Variants in RGPD3 observed in about 807,000 individuals in gnomAD.
RGPD3 encodes the protein RANBP2 like and GRIP domain containing 3.
Under a neutral mutation model 154.5 loss-of-function variants are expected in RGPD3, and 62 were observed. The observed-to-expected ratio is 0.40, with a 90% CI of 0.33 to 0.50. The LOEUF (loss-of-function observed/expected upper bound fraction) is 0.50, where lower values mean the gene tolerates loss of function less well. Ranked by LOEUF, RGPD3 falls within the 20% of genes least tolerant of loss-of-function variation. RGPD3 has a pLI of 0.59. For missense variants in RGPD3, 919 were observed against 1,716.8 expected (o/e 0.54, Z 8.21); for synonymous variants, 308 against 607.0 (o/e 0.51, Z 7.24).
chr2:106,463,141 TAAC>T (rs1678452894), intron 1 of RGPD3, among the ~76,000 whole-genome samples: 1 of 151,664 alleles, frequency 6.6e-6, no homozygotes, highest in Non-Finnish European at 1.5e-5. Context: ...ATCAGACTCC[TAAC>T]AACAGAACTT....
At chr2:106,413,942 T>A (rs1573241488) in intron 21 of RGPD3, among the ~76,000 whole-genome samples, 1 of 152,190 alleles carries the variant, frequency 6.6e-6, no homozygotes, top group East Asian at 1.9e-4. Context: ...TAAGCCAGTA[T>A]GGCATGGGGC....
intron 9 of RGPD3, among the ~76,000 whole-genome samples, chr2:106,438,350 G>A (rs1006336485): frequency 2.0e-5 from 3 of 149,958 alleles, no homozygotes; most frequent in African/African-American, 4.9e-5. Context: ...TATCTGGGCC[G>A]AGTGGCATGT....
At chr2:106,417,720 G>C (rs1191877778) in intron 20 of RGPD3, among the ~76,000 whole-genome samples, 1 of 150,900 alleles carries the variant, frequency 6.6e-6, no homozygotes. Context: ...AAAATCTATT[G>C]ATTCGGCCTT....
intron 1 of RGPD3, among the ~76,000 whole-genome samples, chr2:106,465,760 A>G (rs1186083460): frequency 1.3e-5 from 2 of 151,700 alleles, no homozygotes; most frequent in African/African-American, 4.8e-5. Context: ...CAGCTACCAA[A>G]GTGTTCCGGG....
At chr2:106,428,699 A>G (rs1677275168) in intron 18 of RGPD3, among the ~76,000 whole-genome samples, 1 of 151,804 alleles carries the variant, frequency 6.6e-6, no homozygotes, top group Non-Finnish European at 1.5e-5. Context: ...GAGAGAGAAA[A>G]AAAAGGGCAC....
Position 106,416,000 on chromosome 2 carries a change from T to G in RGPD3, c.4925-11A>C, listed in dbSNP as rs1676817170. The G allele has an allele frequency of 6.2e-7, 1 of 1,611,524 alleles. No individual in the cohort carries two copies. The highest frequency in any genetic ancestry group is 1.3e-5 in the African/African-American group (1 of 74,940). On this transcript the variant is annotated splice_polypyrimidine_tract_variant and intron_variant, in intron 20 of 22. Coordinates refer to ENST00000409886, the MANE Select transcript of RGPD3 (RefSeq NM_001144013.2). ...ACCATAATGGAGGCTCTGCAACATGTTGTTCCAAGAATTAATTTTCAAAAT... is the reference window on the plus strand; with the variant it reads ...ACCATAATGGAGGCTCTGCAACATGGTGTTCCAAGAATTAATTTTCAAAAT...
intron 6 of RGPD3, among the ~76,000 whole-genome samples, chr2:106,448,128 G>A (rs1301426260): frequency 1.5e-5 from 2 of 135,432 alleles, no homozygotes; most frequent in Non-Finnish European, 1.5e-5. Flanking sequence ...TTTTTTTTGA[G>A]ACGGAGTCTC....
At chr2:106,418,487 C>G (rs1443672537) in intron 20 of RGPD3, among the ~76,000 whole-genome samples, 1 of 152,090 alleles carries the variant, frequency 6.6e-6, no homozygotes, top group African/African-American at 2.4e-5. Context: ...AGTGCTCATA[C>G]AGTTAAGAGC....
intron 1 of RGPD3, among the ~76,000 whole-genome samples, chr2:106,467,962 G>C (rs1260706335): frequency 1.5e-5 from 2 of 136,262 alleles, no homozygotes; most frequent in Admixed American, 7.1e-5. Context: ...CTGAGCCATC[G>C]AGGCCGCCGC....
rs765297608 is a variant in RGPD3 at position 106,424,556 on chromosome 2, G to T, written c.3411C>A (p.Phe1137Leu). 5.6e-6 allele frequency: 9 copies of T among 1,609,926 alleles called. No individual in the cohort carries two copies. The Middle Eastern group carries it at 1.1e-3, about 201-fold the overall frequency. Residue 1137 changes from phenylalanine (F) to leucine (L), a missense_variant, in exon 20 of 23, where the codon TTC becomes TTA. Physicochemically the swap from Phe to Leu is conservative, Grantham distance 22. Transcript: ENST00000409886. ...DRAWMWSASDFSDGDAKLERL... is the reference protein window; with the variant it reads ...DRAWMWSASDLSDGDAKLERL... Reference sequence around the variant, plus strand: ...GCTCTAGTTTGGCATCACCATCAGAGAAATCACTGGCTGACCACATCCATG... The same window carrying T: ...GCTCTAGTTTGGCATCACCATCAGATAAATCACTGGCTGACCACATCCATG...
rs558021074 is a variant in RGPD3 at position 106,465,772 on chromosome 2, A to G, written c.72+2445T>C. On this transcript the variant is annotated intron_variant, in intron 1 of 22. Coordinates refer to ENST00000409886, the MANE Select transcript of RGPD3 (RefSeq NM_001144013.2). ...AGTCAGCTACCAAAGTGTTCCGGGC[A>G]GGGAGGGGGGCGAGGGAGGTGAGTA... 7.7e-4 allele frequency among the ~76,000 whole-genome samples: 117 copies of G among 151,682 alleles called. 1 individual carries two copies. The highest frequency in any genetic ancestry group is 3.4e-3 in the South Asian group (16 of 4,768).
rs201827987 is a variant in RGPD3, at chr2:106,433,078, T to G, written c.2385+28A>C. On this transcript the variant is annotated intron_variant, in intron 16 of 22. Coordinates refer to ENST00000409886, the MANE Select transcript of RGPD3 (RefSeq NM_001144013.2). Reference sequence around the variant, plus strand: ...AAAACACTTAGAAACAATTTCACAATGAAATGATTCCATTCTTTCCTGTTT... The same window carrying G: ...AAAACACTTAGAAACAATTTCACAAGGAAATGATTCCATTCTTTCCTGTTT... 3,289 of 1,611,138 alleles carry G rather than the reference T, an allele frequency of 2.0e-3. 9 individuals are homozygous for G. The highest frequency in any genetic ancestry group is 2.3e-3 in the Non-Finnish European group (2,739 of 1,179,636).
intron 1 of RGPD3, among the ~76,000 whole-genome samples, chr2:106,466,114 G>A (rs1470059266): frequency 1.3e-5 from 2 of 151,936 alleles, no homozygotes; most frequent in Admixed American, 6.5e-5. Flanking sequence ...GTACTACGGG[G>A]CCAGAAAGCC....
rs1432524592 is a variant in RGPD3, at chr2:106,404,239, G to A, written c.*980C>T. ...AGGTTTTTATTTGGGAAAATGGAGA[G>A]GATTCTCAAAACAGATTCATGGCTT... is the stretch of plus-strand genomic sequence containing the variant. On this transcript the variant is annotated 3_prime_UTR_variant, in exon 23 of 23. Transcript: ENST00000409886. 6.3e-4 allele frequency among the ~76,000 whole-genome samples: 94 copies of A among 150,216 alleles called. No individual in the cohort carries two copies. The highest frequency in any genetic ancestry group is 2.3e-3 in the African/African-American group (91 of 40,044).
chr2:106,468,087 C>G, intron 1 of RGPD3, 130 bp downstream of exon 1: 1 of 1,244,626 alleles, frequency 8.0e-7, no homozygotes, highest in African/African-American at 1.7e-5. Context: ...GCCGCCGCCT[C>G]CACAGAGCGC....
At chr2:106,409,085 A>G (rs548767048) in intron 22 of RGPD3, among the ~76,000 whole-genome samples, 1,935 of 152,234 alleles carry the variant, frequency 0.013, 34 homozygotes, top group African/African-American at 0.043. Flanking sequence ...ATACTATTAT[A>G]AACTTTACAC....
chr2:106,412,809 C>T lies in RGPD3; in HGVS notation c.5266+275G>A, dbSNP rs573855817. 266 of 603,456 alleles carry T rather than the reference C, an allele frequency of 4.4e-4. 1 individual carries two copies. Among genetic ancestry groups the T allele is most frequent in the African/African-American group, 2.1e-3 (114 of 54,356 alleles). The allele number at this position is 603,456 out of a possible 1,614,324, so 37.4% of individuals were successfully genotyped here. On this transcript the variant is annotated intron_variant, in intron 22 of 22. Coordinates refer to ENST00000409886, the MANE Select transcript of RGPD3 (RefSeq NM_001144013.2). ...AACCACGTTCAGCTGAACACCAGAA[C>T]GCAACACCAGGATAAAAATCCAATT...
intron 6 of RGPD3, among the ~76,000 whole-genome samples, chr2:106,449,205 A>C (rs1678032103): frequency 6.6e-6 from 1 of 151,180 alleles, no homozygotes; most frequent in African/African-American, 2.4e-5. Flanking sequence ...TGGCTCACAC[A>C]TGTAATTCCA....
chr2:106,447,326 T>C, intron 7 of RGPD3, 92 bp downstream of exon 7: 3 of 38,454 alleles, frequency 7.8e-5, no homozygotes, highest in Non-Finnish European at 8.7e-5. Context: ...CACAGGTTTG[T>C]TCACATATTG....
Sources: allele counts gnomAD v4.1 joint callset (sites outside exome capture counted in the v4.1 genomes callset), GRCh38; gene constraint gnomAD v4.1.1; transcripts MANE v1.5; gene names NCBI Gene and HGNC (gene_info 2026-07-23, HGNC 2026-07-21).